USP7: variants seen among roughly 807,000 people sequenced by gnomAD.
USP7 encodes ubiquitin specific peptidase 7, also known as ubiquitin C-terminal hydrolase 7.
In USP7, 9 loss-of-function variants were observed where a neutral mutation model predicts 162.9. The ratio of observed to expected loss-of-function variants is 0.06; its 90% CI spans 0.03 to 0.10. The LOEUF is 0.10. USP7 is among the 10% of genes least tolerant of loss of function. USP7 has a pLI of 1.00. For missense variants in USP7, 715 were observed against 1,373.7 expected (o/e 0.52, Z 7.58); for synonymous variants, 562 against 475.9 (o/e 1.18, Z -2.35).
chr16:8,935,365 A>G (rs1898642328), intron 1 of USP7, among the ~76,000 whole-genome samples: 1 of 152,122 alleles, frequency 6.6e-6, no homozygotes, highest in Non-Finnish European at 1.5e-5. Context: ...ACCTGCCATC[A>G]TGCCCAGCTA....
chr16:8,935,403 G>T (rs143625911), intron 1 of USP7, among the ~76,000 whole-genome samples: 6,945 of 152,122 alleles, frequency 0.046, 216 homozygotes, highest in Middle Eastern at 0.14. Context: ...TAGAGATGGG[G>T]TTTCACCACG....
intron 1 of USP7, among the ~76,000 whole-genome samples, chr16:8,946,052 G>T (rs1899259166): frequency 6.6e-6 from 1 of 152,152 alleles, no homozygotes; most frequent in Non-Finnish European, 1.5e-5. Context: ...AGGTACAAAA[G>T]CAATTCAACG....
intron 1 of USP7, among the ~76,000 whole-genome samples, chr16:8,942,681 G>C (rs780248709): frequency 8.5e-5 from 13 of 152,110 alleles, no homozygotes; most frequent in Non-Finnish European, 1.5e-4. Context: ...TTGAGCAGCT[G>C]GGACTACAGG....
intron 1 of USP7, among the ~76,000 whole-genome samples, chr16:8,961,595 T>C (rs1378574544): frequency 6.6e-6 from 1 of 151,534 alleles, no homozygotes; most frequent in South Asian, 2.1e-4. Flanking sequence ...CAGTAATGTC[T>C]GTTTATTAAT....
At chr16:8,920,257 T>G in intron 5 of USP7, 102 bp downstream of exon 5, 1 of 1,008,590 alleles carries the variant, frequency 9.9e-7, no homozygotes, top group Non-Finnish European at 1.5e-6. Context: ...GAGAGGAGGC[T>G]TACTGATTAA....
chr16:8,936,573 C>G lies in USP7; in HGVS notation c.80-6176G>C, dbSNP rs551700295. 36 of 1,536,336 alleles carry G rather than the reference C, an allele frequency of 2.3e-5. No homozygotes were observed. The African/African-American group carries it at 4.7e-4, about 20-fold the overall frequency. ...CAGCATAAGGAGCTCAACCTGAAAA[C>G]CTGACTCACCTTCCAGCCCAAGCCT... On this transcript the variant is annotated intron_variant, in intron 1 of 30. Transcript: ENST00000344836.
At chr16:8,956,762 TAA>T (rs200123362) in intron 1 of USP7, among the ~76,000 whole-genome samples, 10 of 135,658 alleles carry the variant, frequency 7.4e-5, no homozygotes, top group South Asian at 2.4e-4. Flanking sequence ...GACTTCGTAT[TAA>T]AAAAACAAAA....
intron 1 of USP7, among the ~76,000 whole-genome samples, chr16:8,948,586 C>G (rs1202250722): frequency 6.6e-6 from 1 of 152,174 alleles, no homozygotes; most frequent in African/African-American, 2.4e-5. Flanking sequence ...ATGACACAAT[C>G]CTAAGAACCT....
rs1555461673 is a variant in USP7 at position 8,897,746 on chromosome 16, T to TAA, written c.2718+612_2718+613dup. ...AAAAAAATATATATATATATATATA[T>TAA]AAATGAGTTGGGCGTGGTGACATAC... On this transcript the variant is annotated intron_variant, in intron 25 of 30. Coordinates refer to ENST00000344836, the MANE Select transcript of USP7 (RefSeq NM_003470.3). 7.0e-4 allele frequency among the ~76,000 whole-genome samples: 72 copies of TAA among 103,018 alleles called. 3 individuals are homozygous for TAA. The highest frequency in any genetic ancestry group is 2.7e-3 in the African/African-American group (68 of 25,056). The allele number at this position is 103,018 out of a possible 152,430, so 67.6% of individuals were successfully genotyped here. A position where few individuals can be genotyped will look rare whatever the true frequency, so the allele number is the denominator to read the frequency against.
rs1005849935 is a variant in USP7 at position 8,921,210 on chromosome 16, A to G, written c.469T>C (p.Leu157=). The part of the protein sequence containing the change: ...EKSFSRRISH[L]FFHKENDWGF... The stretch of plus-strand genomic sequence containing the variant: ...CAATCATTTTCTTTATGGAAGAACA[A>G]ATGACTAATACGACGACTGAACGAC... Residue 157 remains leucine (L), a synonymous_variant, in exon 4 of 31, where the codon TTG becomes CTG. Coordinates refer to ENST00000344836, the MANE Select transcript of USP7 (RefSeq NM_003470.3). The G allele has an allele frequency of 1.9e-6, 3 of 1,613,986 alleles. No individual in the cohort carries two copies. Among genetic ancestry groups the G allele is most frequent in the Non-Finnish European group, 2.5e-6 (3 of 1,180,020 alleles).
intron 1 of USP7, among the ~76,000 whole-genome samples, chr16:8,945,126 G>A (rs1320309884): frequency 6.6e-6 from 1 of 152,028 alleles, no homozygotes; most frequent in Non-Finnish European, 1.5e-5. Flanking sequence ...TGTGGTGGCG[G>A]GCGCCTGTAA....
chr16:8,942,582 C>A (rs950966389), intron 1 of USP7, among the ~76,000 whole-genome samples: 9 of 152,186 alleles, frequency 5.9e-5, no homozygotes, highest in African/African-American at 2.2e-4. Flanking sequence ...GGGTCTCGCT[C>A]TGTTGGGCAG....
chr16:8,948,414 G>A (rs764059923), intron 1 of USP7, among the ~76,000 whole-genome samples: 3 of 152,050 alleles, frequency 2.0e-5, no homozygotes, highest in Non-Finnish European at 4.4e-5. Flanking sequence ...CAAACCCCTG[G>A]GCTCAAGCTA....
chr16:8,960,745 A>G (rs1345616982), intron 1 of USP7, among the ~76,000 whole-genome samples: 1 of 152,210 alleles, frequency 6.6e-6, no homozygotes, highest in African/African-American at 2.4e-5. Context: ...GCTTTTTAAC[A>G]GAAGTGTTCT....
chr16:8,913,289 G>A (rs1209638884), intron 10 of USP7, among the ~76,000 whole-genome samples: 1 of 152,162 alleles, frequency 6.6e-6, no homozygotes, highest in Non-Finnish European at 1.5e-5. Context: ...CCAGGAGGTG[G>A]AGGTTGCAGT....
In USP7 at chr16:8,932,404, T is replaced by C. The variant is rs922449612; in HGVS notation, c.80-2007A>G. Among the ~76,000 whole-genome samples, 3 of 152,114 alleles carry C rather than the reference T, an allele frequency of 2.0e-5. No individual in the cohort carries two copies. In the East Asian group the frequency reaches 5.8e-4, roughly 29 times the overall value. On this transcript the variant is annotated intron_variant, in intron 1 of 30. Coordinates refer to ENST00000344836, the MANE Select transcript of USP7 (RefSeq NM_003470.3). Reference sequence around the variant, plus strand: ...AACATAGTGAGACCTCATCTCAATTTATTATTATTTTTAAAGCTTATTTCT... The same window carrying C: ...AACATAGTGAGACCTCATCTCAATTCATTATTATTTTTAAAGCTTATTTCT...
intron 21 of USP7, 111 bp downstream of exon 21, chr16:8,900,419 A>G: frequency 1.4e-6 from 1 of 732,674 alleles, no homozygotes; most frequent in South Asian, 2.7e-5. Context: ...ATTAAAAAAA[A>G]CAAAAACAAA....
Position 8,893,986 on chromosome 16 carries a change from C to A in USP7, c.*12G>T. 6.2e-7 allele frequency: 1 copy of A among 1,613,580 alleles called. No homozygotes were observed. The highest frequency in any genetic ancestry group is 8.5e-7 in the Non-Finnish European group (1 of 1,179,480). ...ACACACCGTCCTCGCCTTGAACACA[C>A]CAGCTTGGAAATCAGTTATGGATTT... On this transcript the variant is annotated 3_prime_UTR_variant, in exon 31 of 31. Transcript: ENST00000344836.
chr16:8,951,856 G>C (rs1039456338), intron 1 of USP7, among the ~76,000 whole-genome samples: 1 of 152,198 alleles, frequency 6.6e-6, no homozygotes, highest in Non-Finnish European at 1.5e-5. Flanking sequence ...ATCTACCAAC[G>C]TGCGTTATTT....
Sources: allele counts gnomAD v4.1 joint callset (sites outside exome capture counted in the v4.1 genomes callset), GRCh38; gene constraint gnomAD v4.1.1; transcripts MANE v1.5; gene names NCBI Gene and HGNC (gene_info 2026-07-23, HGNC 2026-07-21).